Variants in SPOCK3 observed in about 807,000 individuals in gnomAD.
SPOCK3 encodes SPARC (osteonectin), cwcv and kazal like domains proteoglycan 3, also known as testican-3.
In SPOCK3, 30 loss-of-function variants were observed where a neutral mutation model predicts 56.6. That is an observed-to-expected ratio of 0.53 (90% CI 0.40 to 0.72). SPOCK3 has a LOEUF of 0.72. Ranked by LOEUF, SPOCK3 falls within the 30% of genes least tolerant of loss-of-function variation. The pLI is 0.00. For synonymous variants in SPOCK3, 196 were observed against 183.3 expected (o/e 1.07, Z -0.56); for missense variants, 527 against 530.0 (o/e 0.99, Z 0.06).
chr4:166,898,624 A>G lies in SPOCK3; in HGVS notation c.475-9380T>C, dbSNP rs1735668613. 2.0e-5 allele frequency among the ~76,000 whole-genome samples: 3 copies of G among 152,250 alleles called. No homozygotes were observed. The South Asian group carries it at 6.2e-4, about 32-fold the overall frequency. On this transcript the variant is annotated intron_variant, in intron 5 of 10. Transcript: ENST00000357545. Reference sequence around the variant, plus strand: ...CATGCTATTCTTACTTCCACATCTGAATTCACATTAGGTAGTGATGTGCTA... The same window carrying G: ...CATGCTATTCTTACTTCCACATCTGGATTCACATTAGGTAGTGATGTGCTA...
intron 3 of SPOCK3, among the ~76,000 whole-genome samples, chr4:167,059,979 A>G (rs1394680279): frequency 1.3e-5 from 2 of 151,476 alleles, no homozygotes; most frequent in Non-Finnish European, 2.9e-5. Flanking sequence ...AGGAAGGGGA[A>G]CATCTCACTC....
chr4:167,228,273 A>C (rs1335680975), intron 2 of SPOCK3, among the ~76,000 whole-genome samples: 1 of 152,192 alleles, frequency 6.6e-6, no homozygotes, highest in Non-Finnish European at 1.5e-5. Flanking sequence ...GAATCTACGC[A>C]CATAAATACA....
chr4:167,107,777 C>A (rs923901508), intron 2 of SPOCK3, among the ~76,000 whole-genome samples: 3 of 151,898 alleles, frequency 2.0e-5, no homozygotes, highest in Admixed American at 6.6e-5. Context: ...ATACAAAAAT[C>A]AGTGGCATTT....
chr4:166,907,660 A>T (rs976927718), intron 5 of SPOCK3, among the ~76,000 whole-genome samples: 2 of 151,966 alleles, frequency 1.3e-5, no homozygotes, highest in African/African-American at 2.4e-5. Flanking sequence ...CAATTAGAAC[A>T]CTCCTCAAAT....
intron 3 of SPOCK3, among the ~76,000 whole-genome samples, chr4:167,018,983 G>A (rs1267832955): frequency 6.6e-6 from 1 of 151,968 alleles, no homozygotes; most frequent in African/African-American, 2.4e-5. Context: ...TGGGACACAA[G>A]TCTCTCCAAG....
At chr4:167,205,372 AT>A (rs1425120217) in intron 2 of SPOCK3, among the ~76,000 whole-genome samples, 5 of 35,128 alleles carry the variant, frequency 1.4e-4, no homozygotes, top group African/African-American at 7.4e-4. Flanking sequence ...TATATATTTT[AT>A]ATATATAATA....
intron 2 of SPOCK3, among the ~76,000 whole-genome samples, chr4:167,127,741 A>T (rs1331855268): frequency 6.6e-6 from 1 of 152,130 alleles, no homozygotes; most frequent in Non-Finnish European, 1.5e-5. Flanking sequence ...AAAATTTCTT[A>T]ATTGGTAACC....
rs1279246589 is a variant in SPOCK3 at position 167,177,293 on chromosome 4, C to CT, written c.189+56691dup. Among the ~76,000 whole-genome samples the CT allele has an allele frequency of 5.7e-3, 847 of 149,580 alleles. 8 individuals are homozygous for CT. The highest frequency in any genetic ancestry group is 0.02 in the African/African-American group (796 of 40,812). ...AGGGACAGAGGGACAACTAACAGCA[C>CT]TTTTTTTTTTCCAGTCAGTTACGTT... On this transcript the variant is annotated intron_variant, in intron 2 of 10. Coordinates refer to ENST00000357545, the MANE Select transcript of SPOCK3 (RefSeq NM_001040159.2).
At chr4:167,132,436 TGTTAAG>T (rs1245324666) in intron 2 of SPOCK3, among the ~76,000 whole-genome samples, 4 of 152,180 alleles carry the variant, frequency 2.6e-5, no homozygotes, top group Non-Finnish European at 5.9e-5. Flanking sequence ...TGTCTTAGCA[TGTTAAG>T]GTCTTTAAGA....
At chr4:167,041,648 A>G (rs1580097438) in intron 3 of SPOCK3, among the ~76,000 whole-genome samples, 1 of 152,180 alleles carries the variant, frequency 6.6e-6, no homozygotes, top group East Asian at 1.9e-4. Context: ...GGGCAAAATC[A>G]CTAACAAGAC....
At chr4:166,835,190 C>A (rs1746487111) in intron 6 of SPOCK3, among the ~76,000 whole-genome samples, 1 of 152,078 alleles carries the variant, frequency 6.6e-6, no homozygotes, top group Non-Finnish European at 1.5e-5. Flanking sequence ...GCTATACTGA[C>A]TTATACCTTA....
intron 4 of SPOCK3, among the ~76,000 whole-genome samples, chr4:166,969,850 A>T (rs1745185925): frequency 6.6e-6 from 1 of 152,202 alleles, no homozygotes; most frequent in African/African-American, 2.4e-5. Context: ...ACATACCTAT[A>T]GCCATTGCCT....
intron 3 of SPOCK3, among the ~76,000 whole-genome samples, chr4:167,037,703 G>A (rs1311567171): frequency 2.0e-5 from 3 of 152,140 alleles, no homozygotes; most frequent in Admixed American, 1.3e-4. Context: ...AAACAAAGAA[G>A]TCACTATAGA....
chr4:166,901,659 C>T (rs973821395), intron 5 of SPOCK3, among the ~76,000 whole-genome samples: 4 of 152,042 alleles, frequency 2.6e-5, no homozygotes, highest in Non-Finnish European at 5.9e-5. Context: ...TATCCTGCTG[C>T]ACCTGACTTA....
intron 2 of SPOCK3, among the ~76,000 whole-genome samples, chr4:167,155,427 A>T (rs1764738506): frequency 6.6e-6 from 1 of 152,174 alleles, no homozygotes; most frequent in Non-Finnish European, 1.5e-5. Flanking sequence ...ATATCTGCTA[A>T]TATCTACTAT....
intron 2 of SPOCK3, among the ~76,000 whole-genome samples, chr4:167,111,187 GA>G (rs1212543445): frequency 6.6e-6 from 1 of 151,646 alleles, no homozygotes; most frequent in Non-Finnish European, 1.5e-5. Context: ...ATTAAATGAG[GA>G]AAAAAATTCA....
chr4:166,789,569 C>A (rs747750829), intron 7 of SPOCK3, among the ~76,000 whole-genome samples: 3 of 152,014 alleles, frequency 2.0e-5, no homozygotes, highest in Non-Finnish European at 2.9e-5. Context: ...AAAAGCTGAT[C>A]AAAGTTTTTA....
chr4:166,833,728 T>C (rs1202662927), intron 6 of SPOCK3, among the ~76,000 whole-genome samples: 1 of 152,184 alleles, frequency 6.6e-6, no homozygotes, highest in Non-Finnish European at 1.5e-5. Flanking sequence ...TAATGGCTTA[T>C]TAGTTAAATC....
chr4:167,106,397 T>C (rs879671186), intron 2 of SPOCK3, among the ~76,000 whole-genome samples: 13 of 151,940 alleles, frequency 8.6e-5, no homozygotes, highest in Non-Finnish European at 1.6e-4. Context: ...TTGTGTCAAT[T>C]AAAAAGTTAA....
Sources: allele counts gnomAD v4.1 joint callset (sites outside exome capture counted in the v4.1 genomes callset), GRCh38; gene constraint gnomAD v4.1.1; transcripts MANE v1.5; gene names NCBI Gene and HGNC (gene_info 2026-07-23, HGNC 2026-07-21).